TBC1D9B: variants seen among roughly 807,000 people sequenced by gnomAD.
The protein encoded by TBC1D9B is TBC1 domain family member 9B, also known as TBC1 domain family, member 9B (with GRAM domain).
A neutral mutation model predicts 121.1 loss-of-function variants in TBC1D9B; 87 were observed. The observed-to-expected ratio is 0.72, with a 90% CI of 0.60 to 0.86. The LOEUF is 0.86. Among genes scored for constraint, TBC1D9B ranks in the 40% least tolerant of loss-of-function variants. The pLI, the probability that TBC1D9B is intolerant of heterozygous loss-of-function variation, is 0.00. For synonymous variants in TBC1D9B, 668 were observed against 670.1 expected, an observed-to-expected ratio of 1.00 and a Z score of 0.05; for missense variants, 1,540 against 1,628.6, an observed-to-expected ratio of 0.95 and a Z score of 0.94.
Position 179,875,901 on chromosome 5 carries a change from A to T in TBC1D9B, c.1900+19T>A. ...AGGCACCTGGAGACCCAGGCGAGGC[A>T]GCACCCGGGGACACTCACCCACCAC... On this transcript the variant is annotated intron_variant, in intron 11 of 20. Coordinates refer to ENST00000355235, the MANE Select transcript of TBC1D9B (RefSeq NM_015043.4). This position sits in a 1 kb window ranked among gnomAD's most constrained non-coding sequence, Gnocchi z 4.5. 1 of 1,578,838 alleles carries T rather than the reference A, an allele frequency of 6.3e-7. No homozygotes were observed. The highest frequency in any genetic ancestry group is 8.6e-7 in the Non-Finnish European group (1 of 1,161,372).
intron 18 of TBC1D9B, 90 bp downstream of exon 18, chr5:179,867,688 G>A (rs1413473413): frequency 6.3e-7 from 1 of 1,575,392 alleles, no homozygotes; most frequent in Non-Finnish European, 8.7e-7. Flanking sequence ...GCCCAGGTGG[G>A]ACTGCTGGCC....
In TBC1D9B at chr5:179,865,326, G is replaced by C. The variant is rs1561631380; in HGVS notation, c.2949C>G (p.His983Gln). Residue 983 changes from histidine to glutamine, a missense_variant, in exon 20 of 21, where the codon CAC becomes CAG. His to Gln is a conservative substitution (Grantham distance 24). Transcript: ENST00000355235. The surrounding 1 kb of genome is among the most constrained non-coding windows in gnomAD (Gnocchi z 5.1). ...EKGTSSPDYR[H>Q]YLRMWAKEKE... ...TCTCCTTGGCCCACATTCGAAGGTA[G>C]TGCCGATAGTCCGGAGAGCTGGTCC... 1.9e-6 allele frequency: 3 copies of C among 1,614,016 alleles called. No homozygotes were observed. The highest frequency in any genetic ancestry group is 2.7e-5 in the African/African-American group (2 of 74,950).
intron 17 of TBC1D9B, chr5:179,869,458 G>A (rs1410670261): frequency 1.8e-6 from 1 of 557,398 alleles, no homozygotes; most frequent in Non-Finnish European, 3.4e-6. Flanking sequence ...TTCGGTTCCA[G>A]CCCTGAAGCT....
intron 2 of TBC1D9B, among the ~76,000 whole-genome samples, chr5:179,900,945 C>G (rs1761149949): frequency 6.6e-6 from 1 of 152,228 alleles, no homozygotes; most frequent in Non-Finnish European, 1.5e-5. Flanking sequence ...AGCTCTGACC[C>G]TCCCTCCAGG....
chr5:179,903,576 C>T (rs982080541), intron 2 of TBC1D9B, among the ~76,000 whole-genome samples: 12 of 152,172 alleles, frequency 7.9e-5, no homozygotes, highest in African/African-American at 2.4e-4. Context: ...ACACTTCTGT[C>T]GACTGACCGA....
At chr5:179,898,150 T>TA (rs1761067371) in intron 3 of TBC1D9B, among the ~76,000 whole-genome samples, 1 of 122,276 alleles carries the variant, frequency 8.2e-6, no homozygotes, top group South Asian at 2.7e-4. Context: ...ACCCCATCTC[T>TA]ACTTTTTTTT....
At chr5:179,883,864 G>A (rs1396500094) in intron 7 of TBC1D9B, among the ~76,000 whole-genome samples, 1 of 152,206 alleles carries the variant, frequency 6.6e-6, no homozygotes, top group Admixed American at 6.5e-5. Context: ...GTGGGTCAGA[G>A]TAGCTTTCTG....
chr5:179,893,257 G>A lies in TBC1D9B; in HGVS notation c.788C>T (p.Ala263Val). Residue 263 changes from alanine (A) to valine (V), a missense_variant, in exon 5 of 21, where the codon GCC becomes GTC. Physicochemically the swap from Ala to Val is moderately conservative, Grantham distance 64. Coordinates refer to ENST00000355235, the MANE Select transcript of TBC1D9B (RefSeq NM_015043.4). ...GTGTGGCCGGATGGGCCTAGGCAGG[G>A]CCTTGTCCTCCAGGAAGCCCTCGCT... ...LDSEGFLEDK[A>V]LPRPIRPHRN... The A allele has an allele frequency of 2.5e-6, 4 of 1,613,512 alleles. No individual in the cohort carries two copies. Among genetic ancestry groups the A allele is most frequent in the Non-Finnish European group, 3.4e-6 (4 of 1,180,030 alleles).
chr5:179,862,542 T>G lies in TBC1D9B; in HGVS notation c.*906A>C, dbSNP rs933464007. On this transcript the variant is annotated 3_prime_UTR_variant, in exon 21 of 21. Coordinates refer to ENST00000355235, the MANE Select transcript of TBC1D9B (RefSeq NM_015043.4). ...CAGGGCATCCCCTGATGCAGGTTGG[T>G]CAGGACCTGCCCAGCTTGCACCAGC... 1 of 456,238 alleles carries G rather than the reference T, an allele frequency of 2.2e-6. No homozygotes were observed. Among genetic ancestry groups the G allele is most frequent in the Non-Finnish European group, 4.4e-6 (1 of 226,842 alleles). The allele number at this position is 456,238 out of a possible 1,614,324, so 28.3% of individuals were successfully genotyped here.
At chr5:179,887,771 G>A (rs1199879954) in intron 7 of TBC1D9B, 5 of 344,720 alleles carry the variant, frequency 1.5e-5, no homozygotes, top group Non-Finnish European at 2.1e-5. Context: ...GAAGGTCATG[G>A]GAACAAAGCC....
chr5:179,882,006 G>T (rs1486609411), intron 7 of TBC1D9B, among the ~76,000 whole-genome samples: 1 of 144,634 alleles, frequency 6.9e-6, no homozygotes, highest in Non-Finnish European at 1.5e-5. Context: ...GTACAGAGGT[G>T]TGATCTCAGC....
chr5:179,872,209 G>C (rs1760223813), intron 14 of TBC1D9B: 1 of 157,616 alleles, frequency 6.3e-6, no homozygotes, highest in African/African-American at 2.4e-5. Context: ...TCAACGTGCA[G>C]CTGAGGTCGC....
At position 179,899,456 on chromosome 5, in the gene TBC1D9B, G is replaced by A. The variant is rs1761110352; in HGVS notation, c.230-149C>T. On this transcript the variant is annotated intron_variant, in intron 2 of 20. Coordinates refer to ENST00000355235, the MANE Select transcript of TBC1D9B (RefSeq NM_015043.4). ...AGCTGCTTTTCCCTCTTAAGCTGAT[G>A]GATATGTGCATAACAAAGTAATAAA... 4.4e-6 allele frequency: 3 copies of A among 674,598 alleles called. No individual in the cohort carries two copies. The African/African-American group carries it at 5.4e-5, about 12-fold the overall frequency. The allele number at this position is 674,598 out of a possible 1,614,324, so 41.8% of individuals were successfully genotyped here. A position where few individuals can be genotyped will look rare whatever the true frequency, so the allele number is the denominator to read the frequency against.
chr5:179,877,874 G>A (rs557207614), intron 10 of TBC1D9B, among the ~76,000 whole-genome samples: 1 of 152,298 alleles, frequency 6.6e-6, no homozygotes, highest in East Asian at 1.9e-4. Flanking sequence ...GCAATGGAAA[G>A]TAGAACAGTG....
chr5:179,865,784 A>C lies in TBC1D9B; in HGVS notation c.2914+54T>G. 1.3e-6 allele frequency: 2 copies of C among 1,534,102 alleles called. No homozygotes were observed. Among genetic ancestry groups the C allele is most frequent in the Non-Finnish European group, 1.8e-6 (2 of 1,137,680 alleles). On this transcript the variant is annotated intron_variant, in intron 19 of 20. Transcript: ENST00000355235. The surrounding 1 kb of genome is among the most constrained non-coding windows in gnomAD (Gnocchi z 5.1). ...GTGACTGGGGAAAAGACCAGCAAGC[A>C]AGGGTGCCTCAACGCTGGGGTCTCT...
chr5:179,863,012 C>A lies in TBC1D9B; in HGVS notation c.*436G>T. ...CTTTGGTGCCCAACAAGCACATGCC[C>A]CCCAACCTGGTGCCAAGAGGCAGGA... is the stretch of plus-strand genomic sequence containing the variant. On this transcript the variant is annotated 3_prime_UTR_variant, in exon 21 of 21. Transcript: ENST00000355235. This position sits in a 1 kb window ranked among gnomAD's most constrained non-coding sequence, Gnocchi z 4.5. The A allele has an allele frequency of 3.8e-6, 1 of 260,264 alleles. No homozygotes were observed. The highest frequency in any genetic ancestry group is 7.8e-6 in the Non-Finnish European group (1 of 128,982). 16.1% of individuals were successfully genotyped at this position (260,264 alleles called of 1,614,324 possible).
intron 14 of TBC1D9B, 44 bp downstream of exon 14, chr5:179,872,848 G>GCCCCCCCCCCCCCGCCCCCCC: frequency 6.9e-7 from 1 of 1,457,254 alleles, no homozygotes; most frequent in East Asian, 2.4e-5. Context: ...AGGCACTGCT[G>GCCCCCCCCCCCCCGCCCCCCC]CCCCCCCAGC....
chr5:179,868,117 A>T (rs1760076437), intron 17 of TBC1D9B: 2 of 282,778 alleles, frequency 7.1e-6, no homozygotes, highest in Non-Finnish European at 1.3e-5. Context: ...AGCTCACTGC[A>T]AGCTCCGCCT....
In TBC1D9B at chr5:179,865,671, A is replaced by G. The variant is rs1219006285; in HGVS notation, c.2914+167T>C. ...GGCTGGGTGCCCGTGGGGCTGGTGG[A>G]GAGCGTGGAGCCTCCTGTGCATCCC... On this transcript the variant is annotated intron_variant, in intron 19 of 20. Transcript: ENST00000355235. The surrounding 1 kb of genome is among the most constrained non-coding windows in gnomAD (Gnocchi z 5.1). 2 of 765,028 alleles carry G rather than the reference A, an allele frequency of 2.6e-6. No homozygotes were observed. The highest frequency in any genetic ancestry group is 4.2e-6 in the Non-Finnish European group (2 of 473,878). The allele number at this position is 765,028 out of a possible 1,614,324, so 47.4% of individuals were successfully genotyped here. A position where few individuals can be genotyped will look rare whatever the true frequency, so the allele number is the denominator to read the frequency against.
Sources: allele counts gnomAD v4.1 joint callset (sites outside exome capture counted in the v4.1 genomes callset), GRCh38; gene constraint gnomAD v4.1.1; non-coding constraint Gnocchi (gnomAD v3.1); transcripts MANE v1.5; gene names NCBI Gene and HGNC (gene_info 2026-07-23, HGNC 2026-07-21).